Variants in DIP2B observed in about 807,000 individuals in gnomAD.
DIP2B encodes the protein disco-interacting protein 2 homolog B.
Under a neutral mutation model 198.0 loss-of-function variants are expected in DIP2B, and 76 were observed. The observed-to-expected ratio is 0.38, with a 90% CI of 0.32 to 0.46. DIP2B has a LOEUF of 0.46. Ranked by LOEUF, DIP2B falls within the 20% of genes least tolerant of loss-of-function variation. The pLI is 0.99. For synonymous variants in DIP2B, 701 were observed against 739.1 expected (o/e 0.95, Z 0.84); for missense variants, 1,559 against 1,978.4 (o/e 0.79, Z 4.02).
intron 1 of DIP2B, among the ~76,000 whole-genome samples, chr12:50,518,126 C>A (rs1958082228): frequency 6.6e-6 from 1 of 152,154 alleles, no homozygotes; most frequent in Non-Finnish European, 1.5e-5. Context: ...TGTGGTTACA[C>A]ATTTCCCATA....
At chr12:50,744,169 T>C (rs1163596309) in intron 37 of DIP2B, among the ~76,000 whole-genome samples, 2 of 152,186 alleles carry the variant, frequency 1.3e-5, no homozygotes, top group East Asian at 1.9e-4. Flanking sequence ...GTCTGGCTAA[T>C]TTTTGTATTT....
At chr12:50,631,822 C>T (rs1395738617) in intron 2 of DIP2B, among the ~76,000 whole-genome samples, 2 of 152,030 alleles carry the variant, frequency 1.3e-5, no homozygotes, top group Non-Finnish European at 2.9e-5. Flanking sequence ...TTGTGTTTTT[C>T]ACTTTATTTG....
At chr12:50,553,312 G>A (rs950740525) in intron 1 of DIP2B, among the ~76,000 whole-genome samples, 2 of 152,138 alleles carry the variant, frequency 1.3e-5, no homozygotes, top group Non-Finnish European at 2.9e-5. Context: ...GTGATCATTT[G>A]AATATCTCTC....
intron 12 of DIP2B, 26 bp from the exon 13 acceptor site, chr12:50,691,023 C>G: frequency 6.3e-7 from 1 of 1,596,228 alleles, no homozygotes; most frequent in Non-Finnish European, 8.6e-7. Flanking sequence ...TATTGTGTTT[C>G]TTATGTTTCT....
intron 2 of DIP2B, among the ~76,000 whole-genome samples, chr12:50,637,712 A>G (rs1228389065): frequency 6.6e-6 from 1 of 152,236 alleles, no homozygotes; most frequent in Admixed American, 6.5e-5. Flanking sequence ...AAGTTGAACT[A>G]TTAGGTTCCT....
chr12:50,584,142 A>G (rs1418173048), intron 1 of DIP2B, among the ~76,000 whole-genome samples: 1 of 152,172 alleles, frequency 6.6e-6, no homozygotes, highest in Non-Finnish European at 1.5e-5. Flanking sequence ...TGCCATCTTT[A>G]TGTGGATGAT....
At chr12:50,613,065 C>A (rs982296729) in intron 1 of DIP2B, among the ~76,000 whole-genome samples, 1 of 152,188 alleles carries the variant, frequency 6.6e-6, no homozygotes, top group Admixed American at 6.5e-5. Flanking sequence ...TTACGCAAAC[C>A]CTCTCTTCCA....
intron 12 of DIP2B, among the ~76,000 whole-genome samples, chr12:50,687,744 C>G (rs1178412713): frequency 2.6e-5 from 4 of 151,626 alleles, no homozygotes; most frequent in African/African-American, 9.7e-5. Context: ...GGCTGGGGGG[C>G]AAGGGGAGGG....
At chr12:50,733,518 A>G (rs1940085112) in intron 32 of DIP2B, among the ~76,000 whole-genome samples, 1 of 151,930 alleles carries the variant, frequency 6.6e-6, no homozygotes, top group South Asian at 2.1e-4. Context: ...TTGAGACCTC[A>G]TCTCTCCCCT....
intron 1 of DIP2B, among the ~76,000 whole-genome samples, chr12:50,618,592 G>A (rs1163157331): frequency 1.3e-5 from 2 of 152,176 alleles, no homozygotes; most frequent in African/African-American, 4.8e-5. Context: ...ATATATGGTG[G>A]TGTTTAAGAG....
intron 1 of DIP2B, among the ~76,000 whole-genome samples, chr12:50,510,510 C>T (rs1321510219): frequency 1.3e-5 from 2 of 152,168 alleles, no homozygotes; most frequent in Non-Finnish European, 2.9e-5. Flanking sequence ...GGCCTTCATA[C>T]TATATTTGTA....
chr12:50,541,348 C>T (rs1222008382), intron 1 of DIP2B, among the ~76,000 whole-genome samples: 2 of 149,600 alleles, frequency 1.3e-5, no homozygotes, highest in Non-Finnish European at 3.0e-5. Context: ...GTCAGCATTA[C>T]ATAGGATAAA....
rs774896601 is a variant in DIP2B at position 50,660,339 on chromosome 12, TTC to T, written c.427+26_427+27del. On this transcript the variant is annotated intron_variant, in intron 4 of 37. Coordinates refer to ENST00000301180, the MANE Select transcript of DIP2B (RefSeq NM_173602.3). ...CTCCTGGTAGGTTTATCAGAGCTTT[TTC>T]TCTCTGACAGTTAATACCTTGATGT... 3 of 1,592,432 alleles carry T rather than the reference TTC, an allele frequency of 1.9e-6. No individual in the cohort carries two copies. The East Asian group carries it at 6.8e-5, about 36-fold the overall frequency.
chr12:50,721,969 G>A (rs1483854634), intron 26 of DIP2B, among the ~76,000 whole-genome samples: 3 of 152,088 alleles, frequency 2.0e-5, no homozygotes, highest in African/African-American at 7.2e-5. Context: ...TGTTGAAGGG[G>A]TGTGAGTTTT....
intron 1 of DIP2B, among the ~76,000 whole-genome samples, chr12:50,596,482 T>C (rs1322112777): frequency 6.6e-6 from 1 of 152,230 alleles, no homozygotes; most frequent in African/African-American, 2.4e-5. Context: ...AGCTTCACTT[T>C]TGACCTGTCT....
At chr12:50,679,245 T>G (rs1390814166) in intron 8 of DIP2B, 1 of 195,962 alleles carries the variant, frequency 5.1e-6, no homozygotes, top group East Asian at 1.3e-4. Context: ...TCCTGCTTCT[T>G]GATTATAATA....
At chr12:50,717,237 G>A (rs757192485) in intron 23 of DIP2B, among the ~76,000 whole-genome samples, 13 of 151,278 alleles carry the variant, frequency 8.6e-5, no homozygotes, top group South Asian at 4.2e-4. Context: ...AAGCCACCAC[G>A]CCTGGCCTTG....
At chr12:50,558,799 A>C (rs1051346645) in intron 1 of DIP2B, among the ~76,000 whole-genome samples, 4 of 152,212 alleles carry the variant, frequency 2.6e-5, no homozygotes, top group Non-Finnish European at 1.5e-5. Context: ...GGCCGTTTAC[A>C]CTTTGAAAAC....
chr12:50,703,736 A>G (rs1939462708), intron 19 of DIP2B, among the ~76,000 whole-genome samples: 1 of 152,224 alleles, frequency 6.6e-6, no homozygotes, highest in African/African-American at 2.4e-5. Context: ...AGAGCCAGAA[A>G]TTGAATTGAC....
Sources: gnomAD v4.1 joint callset for allele counts (sites outside exome capture counted in the v4.1 genomes callset) on GRCh38, gnomAD v4.1.1 for gene constraint, MANE v1.5 for transcripts, NCBI Gene and HGNC (gene_info 2026-07-23, HGNC 2026-07-21) for gene names.